MFSD6: variants seen among roughly 807,000 people sequenced by gnomAD.
MFSD6 encodes major facilitator superfamily domain containing 6.
MFSD6 carries 26 observed loss-of-function variants against 56.3 expected under a neutral mutation model. The ratio of observed to expected loss-of-function variants is 0.46; its 90% CI spans 0.34 to 0.64. The LOEUF (loss-of-function observed/expected upper bound fraction) is 0.64. MFSD6 is among the 30% of genes least tolerant of loss of function. MFSD6 has a pLI of 0.01. For synonymous variants in MFSD6, 331 were observed against 366.9 expected (o/e 0.90, Z 1.12); for missense variants, 750 against 986.2 (o/e 0.76, Z 3.21).
intron 4 of MFSD6, among the ~76,000 whole-genome samples, chr2:190,476,909 A>G (rs1688352821): frequency 6.6e-6 from 1 of 152,114 alleles, no homozygotes; most frequent in South Asian, 2.1e-4. Flanking sequence ...TTGTAGGGAC[A>G]TGGATGAAGC....
Position 190,425,092 on chromosome 2 carries a change from TG to T in MFSD6, c.-54+9680del, listed in dbSNP as rs1056756223. Among the ~76,000 whole-genome samples, 2 of 152,182 alleles carry T rather than the reference TG, an allele frequency of 1.3e-5. No homozygotes were observed. Among genetic ancestry groups the T allele is most frequent in the African/African-American group, 4.8e-5 (2 of 41,436 alleles). On this transcript the variant is annotated intron_variant, in intron 2 of 7. Coordinates refer to ENST00000392328, the MANE Select transcript of MFSD6 (RefSeq NM_017694.4). This position sits in a 1 kb window ranked among gnomAD's most constrained non-coding sequence, Gnocchi z 4.3. ...CACATTTTTTAAATTTATACCCAAG[TG>T]TTTCTTTTTTAAGCAGCTGTAAATG...
intron 4 of MFSD6, among the ~76,000 whole-genome samples, chr2:190,475,446 G>C (rs1688242407): frequency 1.3e-5 from 2 of 152,156 alleles, no homozygotes; most frequent in African/African-American, 4.8e-5. Context: ...AATCATGAGT[G>C]AACTCCCATT....
At position 190,410,745 on chromosome 2, in the gene MFSD6, A is replaced by C. The variant is rs752989930; in HGVS notation, c.-176+2242A>C. Among the ~76,000 whole-genome samples, 1 of 152,152 alleles carries C rather than the reference A, an allele frequency of 6.6e-6. No homozygotes were observed. The highest frequency in any genetic ancestry group is 1.5e-5 in the Non-Finnish European group (1 of 68,026). On this transcript the variant is annotated intron_variant, in intron 1 of 7. Transcript: ENST00000392328. This position sits in a 1 kb window ranked among gnomAD's most constrained non-coding sequence, Gnocchi z 4.4. ...AGCTATTTTGCACATTGGCTGAAAA[A>C]TCAAGATGCTGTATATTAAATGAAA...
At position 190,437,346 on chromosome 2, in the gene MFSD6, C is replaced by G; in HGVS notation, c.1317C>G (p.Ile439Met). 1 of 1,614,248 alleles carries G rather than the reference C, an allele frequency of 6.2e-7. No homozygotes were observed. The highest frequency in any genetic ancestry group is 8.5e-7 in the Non-Finnish European group (1 of 1,180,048). ...AGGCCTTCAACTTTTGGGACTTAAT[C>G]AAGCTGCTCTGCAGCGTGCAGTATG... is the stretch of plus-strand genomic sequence containing the variant. ...HSQAFNFWDL[I>M]KLLCSVQYGS... Residue 439 changes from isoleucine (I) to methionine (M), a missense_variant, in exon 3 of 8, where the codon ATC (isoleucine) becomes ATG (methionine). By Grantham distance (10) the Ile-to-Met change is conservative. Transcript: ENST00000392328. The surrounding 1 kb of genome is among the most constrained non-coding windows in gnomAD (Gnocchi z 5.9).
In MFSD6 at chr2:190,437,547, G is replaced by T; in HGVS notation, c.1518G>T (p.Leu506Phe). The T allele has an allele frequency of 6.2e-7, 1 of 1,613,312 alleles. No homozygotes were observed. Among genetic ancestry groups the T allele is most frequent in the South Asian group, 1.1e-5 (1 of 91,064 alleles). Residue 506 changes from leucine to phenylalanine, a missense_variant, in exon 3 of 8, where the codon TTG (leucine) becomes TTT (phenylalanine). This residue lies in a region of MFSD6 where 125 missense variants were observed against 223.1 expected (regional missense o/e 0.56). Coordinates refer to ENST00000392328, the MANE Select transcript of MFSD6 (RefSeq NM_017694.4). The surrounding 1 kb of genome is among the most constrained non-coding windows in gnomAD (Gnocchi z 5.9). Reference sequence around the variant, plus strand: ...TTTTTAGTCACAAGCTTATTGAATTGATCGGCCACATCAGGTAAGAACATG... The same window carrying T: ...TTTTTAGTCACAAGCTTATTGAATTTATCGGCCACATCAGGTAAGAACATG... ...AYFFSHKLIE[L>F]IGHIRVLYIG...
chr2:190,427,409 AGT>A (rs1685814996), intron 2 of MFSD6, among the ~76,000 whole-genome samples: 3 of 152,208 alleles, frequency 2.0e-5, no homozygotes, highest in Non-Finnish European at 4.4e-5. Context: ...ATTTGGCTGC[AGT>A]CGAAGTTATT....
At chr2:190,407,972 G>C (rs1032907404), upstream of MFSD6, among the ~76,000 whole-genome samples, 2 of 131,882 alleles carry the variant, frequency 1.5e-5, no homozygotes, top group East Asian at 2.4e-4. This position sits in a 1 kb window ranked among gnomAD's most constrained non-coding sequence, Gnocchi z 5.4. Flanking sequence ...TTGGGGGTGC[G>C]GGGGGGTGGA....
At chr2:190,484,222 G>A (rs1324875424) in intron 4 of MFSD6, among the ~76,000 whole-genome samples, 1 of 152,142 alleles carries the variant, frequency 6.6e-6, no homozygotes, top group Non-Finnish European at 1.5e-5. Context: ...TTGTCAGTCA[G>A]GGAGTAATAG....
At position 190,463,455 on chromosome 2, in the gene MFSD6, A is replaced by G. The variant is rs1051739101; in HGVS notation, c.1533-6303A>G. ...GCAGCTGATGTCTGCCACTCTGCCT[A>G]CTCTAGGAAGACATCTATAACAATT... On this transcript the variant is annotated intron_variant, in intron 3 of 7. Transcript: ENST00000392328. This position sits in a 1 kb window ranked among gnomAD's most constrained non-coding sequence, Gnocchi z 4.4. Among the ~76,000 whole-genome samples, 11 of 152,082 alleles carry G rather than the reference A, an allele frequency of 7.2e-5. No individual in the cohort carries two copies. Among genetic ancestry groups the G allele is most frequent in the Admixed American group, 3.9e-4 (6 of 15,266 alleles).
At chr2:190,414,253 C>T (rs1575813163) in intron 1 of MFSD6, among the ~76,000 whole-genome samples, 2 of 152,120 alleles carry the variant, frequency 1.3e-5, no homozygotes, top group Non-Finnish European at 2.9e-5. Flanking sequence ...ACCCACATGT[C>T]CTGCACATGT....
rs912865912 is a variant in MFSD6, at chr2:190,412,256, CT to C, written c.-175-3034del. The C allele has an allele frequency of 1.3e-5, 13 of 984,434 alleles. No homozygotes were observed. Among genetic ancestry groups the C allele is most frequent in the South Asian group, 4.7e-5 (1 of 21,274 alleles). The allele number at this position is 984,434 out of a possible 1,614,324, so 61.0% of individuals were successfully genotyped here. A position where few individuals can be genotyped will look rare whatever the true frequency, so the allele number is the denominator to read the frequency against. ...AGAATCAAGAAAACACATGCTTAAA[CT>C]TGGTTAATTATCATTGTGGTAGTAG... On this transcript the variant is annotated intron_variant, in intron 1 of 7. Transcript: ENST00000392328. This position sits in a 1 kb window ranked among gnomAD's most constrained non-coding sequence, Gnocchi z 4.1.
chr2:190,420,835 AAAT>A (rs1451903238), intron 2 of MFSD6, among the ~76,000 whole-genome samples: 1 of 152,232 alleles, frequency 6.6e-6, no homozygotes, highest in Admixed American at 6.5e-5. Flanking sequence ...GAGTAAAAAA[AAAT>A]AATGACCTGA....
rs565159192 is a variant in MFSD6 at position 190,501,948 on chromosome 2, AACTG to A, written c.*1735_*1738del. ...GAATGTACAGTATGTGGATTTGTGA[AACTG>A]ACTGTAGGAAGTCAAAAACTTGTAC... On this transcript the variant is annotated 3_prime_UTR_variant, in exon 8 of 8. Coordinates refer to ENST00000392328, the MANE Select transcript of MFSD6 (RefSeq NM_017694.4). 3.3e-3 allele frequency: 499 copies of A among 152,786 alleles called. 5 individuals are homozygous for A. Among genetic ancestry groups the A allele is most frequent in the South Asian group, 6.0e-3 (29 of 4,828 alleles). The allele number at this position is 152,786 out of a possible 1,614,324, so 9.5% of individuals were successfully genotyped here. A position where few individuals can be genotyped will look rare whatever the true frequency, so the allele number is the denominator to read the frequency against.
At chr2:190,475,441 T>C (rs1688242189) in intron 4 of MFSD6, among the ~76,000 whole-genome samples, 3 of 152,098 alleles carry the variant, frequency 2.0e-5, no homozygotes, top group Admixed American at 1.3e-4. Context: ...ACCCAAATCA[T>C]GAGTGAACTC....
Position 190,498,249 on chromosome 2 carries a change from G to A in MFSD6, c.2172+530G>A, listed in dbSNP as rs1308006278. ...GTGATCTTTCCTGAGTAAAGTTAAAGCATGTTGATAAAAGTGTGGATAATT... is the reference window on the plus strand; with the variant it reads ...GTGATCTTTCCTGAGTAAAGTTAAAACATGTTGATAAAAGTGTGGATAATT... On this transcript the variant is annotated intron_variant, in intron 7 of 7. Transcript: ENST00000392328. This position sits in a 1 kb window ranked among gnomAD's most constrained non-coding sequence, Gnocchi z 5.9. Among the ~76,000 whole-genome samples, 7 of 152,172 alleles carry A rather than the reference G, an allele frequency of 4.6e-5. No homozygotes were observed. Among genetic ancestry groups the A allele is most frequent in the South Asian group, 4.1e-4 (2 of 4,830 alleles).
Position 190,415,288 on chromosome 2 carries a change from A to G in MFSD6, c.-175-4A>G, listed in dbSNP as rs1281424271. The G allele has an allele frequency of 7.2e-5, 11 of 152,050 alleles. No individual in the cohort carries two copies. Among genetic ancestry groups the G allele is most frequent in the Admixed American group, 2.6e-4 (4 of 15,262 alleles). The allele number at this position is 152,050 out of a possible 1,614,324, so 9.4% of individuals were successfully genotyped here. A position where few individuals can be genotyped will look rare whatever the true frequency, so the allele number is the denominator to read the frequency against. On this transcript the variant is annotated splice_polypyrimidine_tract_variant and splice_region_variant and intron_variant, in intron 1 of 7. Coordinates refer to ENST00000392328, the MANE Select transcript of MFSD6 (RefSeq NM_017694.4). The surrounding 1 kb of genome is among the most constrained non-coding windows in gnomAD (Gnocchi z 4.5). ...CTATCTTTTTTATTTTTATTTATTT[A>G]CAGACAGGATCTCTCTCAGTTACCC... is the stretch of plus-strand genomic sequence containing the variant.
At chr2:190,422,114 C>T (rs550389175) in intron 2 of MFSD6, among the ~76,000 whole-genome samples, 455 of 152,228 alleles carry the variant, frequency 3.0e-3, no homozygotes, top group African/African-American at 0.01. Flanking sequence ...TTCTGTGCAA[C>T]TCTTTGTTTT....
Position 190,424,835 on chromosome 2 carries a change from A to C in MFSD6, c.-54+9422A>C, listed in dbSNP as rs1006147119. Among the ~76,000 whole-genome samples the C allele has an allele frequency of 1.1e-4, 17 of 152,314 alleles. No homozygotes were observed. Among genetic ancestry groups the C allele is most frequent in the African/African-American group, 4.1e-4 (17 of 41,564 alleles). On this transcript the variant is annotated intron_variant, in intron 2 of 7. Transcript: ENST00000392328. The surrounding 1 kb of genome is among the most constrained non-coding windows in gnomAD (Gnocchi z 5.9). ...CTAATACCACACGGTCTTAATGCACAGCTATATGATCTTTTTCAAAACTGC... is the reference window on the plus strand; with the variant it reads ...CTAATACCACACGGTCTTAATGCACCGCTATATGATCTTTTTCAAAACTGC...
At chr2:190,414,746 A>C (rs866531000) in intron 1 of MFSD6, among the ~76,000 whole-genome samples, 1 of 152,094 alleles carries the variant, frequency 6.6e-6, no homozygotes. Context: ...TAAAGTGATA[A>C]ATAATGATTT....
Sources: allele counts gnomAD v4.1 joint callset (sites outside exome capture counted in the v4.1 genomes callset), GRCh38; gene constraint gnomAD v4.1.1; regional missense constraint gnomAD v4.1.1; non-coding constraint Gnocchi (gnomAD v3.1); transcripts MANE v1.5; gene names NCBI Gene and HGNC (gene_info 2026-07-23, HGNC 2026-07-21).